Variants in KLHL18 observed in about 807,000 individuals in gnomAD.
KLHL18 encodes kelch-like protein 18.
KLHL18 carries 38 observed loss-of-function variants against 58.5 expected under a neutral mutation model. The ratio of observed to expected loss-of-function variants is 0.65; its 90% confidence interval spans 0.50 to 0.85. The LOEUF (loss-of-function observed/expected upper bound fraction) is 0.85. Among genes scored for constraint, KLHL18 ranks in the 40% least tolerant of loss-of-function variants. KLHL18 has a pLI of 0.00. For synonymous variants in KLHL18, 303 were observed against 301.9 expected (o/e 1.00, Z -0.04); for missense variants, 624 against 778.4 (o/e 0.80, Z 2.36).
At chr3:47,342,645 C>A in intron 8 of KLHL18, 74 bp from the exon 9 acceptor site, 4 of 1,219,218 alleles carry the variant, frequency 3.3e-6, no homozygotes, top group Non-Finnish European at 4.8e-6. Flanking sequence ...TCACCTAAAC[C>A]CTGCTAGGCT....
At chr3:47,299,194 C>A (rs2107591708) in intron 1 of KLHL18, among the ~76,000 whole-genome samples, 1 of 152,234 alleles carries the variant, frequency 6.6e-6, no homozygotes, top group South Asian at 2.1e-4. Flanking sequence ...TTGGCTAGGC[C>A]CAGTTGTTTG....
intron 1 of KLHL18, among the ~76,000 whole-genome samples, chr3:47,313,049 A>G (rs764980575): frequency 9.2e-5 from 14 of 151,410 alleles, no homozygotes; most frequent in Non-Finnish European, 1.5e-4. Flanking sequence ...AGCTGGGACT[A>G]CAGGCGCCTG....
chr3:47,343,576 A>G lies in KLHL18; in HGVS notation c.1360A>G (p.Thr454Ala). 1 of 1,613,686 alleles carries G rather than the reference A, an allele frequency of 6.2e-7. No homozygotes were observed. ...FSSVEHYNHH[T>A]ATWHPAAGML... is the part of the protein sequence containing the mutation. The stretch of plus-strand genomic sequence containing the variant: ...GCAGGTGGAACACTACAACCACCAC[A>G]CAGCCACCTGGCACCCTGCAGCTGG... Residue 454 changes from threonine to alanine, a missense_variant, in exon 10 of 10, where the codon ACA becomes GCA. Thr to Ala is a moderately conservative substitution (Grantham distance 58). Coordinates refer to ENST00000232766, the MANE Select transcript of KLHL18 (RefSeq NM_025010.5).
chr3:47,316,605 ATATGTGTG>A (rs1703441993), intron 1 of KLHL18, among the ~76,000 whole-genome samples: 2 of 143,442 alleles, frequency 1.4e-5, no homozygotes, highest in South Asian at 2.1e-4. Flanking sequence ...GTATATATGT[ATATGTGTG>A]TATATATACA....
At chr3:47,301,606 C>A (rs974158535) in intron 1 of KLHL18, among the ~76,000 whole-genome samples, 12 of 152,146 alleles carry the variant, frequency 7.9e-5, no homozygotes, top group African/African-American at 2.9e-4. Context: ...ACCAATATGA[C>A]ACAGTCTTAC....
chr3:47,301,796 TTTCTTC>T (rs373421325), intron 1 of KLHL18, among the ~76,000 whole-genome samples: 1 of 152,162 alleles, frequency 6.6e-6, no homozygotes, highest in African/African-American at 2.4e-5. Flanking sequence ...TTTTGTTTTG[TTTCTTC>T]TTCTTCTTTT....
chr3:47,321,444 G>C (rs1703586059), intron 2 of KLHL18, among the ~76,000 whole-genome samples: 1 of 151,894 alleles, frequency 6.6e-6, no homozygotes, highest in South Asian at 2.1e-4. Context: ...CCGCCTCTTG[G>C]ATTCAAGCGA....
chr3:47,315,161 C>T (rs1327058123), intron 1 of KLHL18, among the ~76,000 whole-genome samples: 1 of 152,140 alleles, frequency 6.6e-6, no homozygotes, highest in Middle Eastern at 3.2e-3. Context: ...GTGTGGAAGA[C>T]TTAGTGGGCC....
chr3:47,303,700 A>T (rs1576146841), intron 1 of KLHL18, among the ~76,000 whole-genome samples: 1 of 152,134 alleles, frequency 6.6e-6, no homozygotes, highest in East Asian at 1.9e-4. Context: ...GATTATAGGC[A>T]TTAGCCACTG....
At chr3:47,315,341 T>G (rs1316243436) in intron 1 of KLHL18, among the ~76,000 whole-genome samples, 3 of 152,140 alleles carry the variant, frequency 2.0e-5, no homozygotes, top group Non-Finnish European at 4.4e-5. Flanking sequence ...CCCCACTCTC[T>G]CAGGAGATAG....
intron 1 of KLHL18, among the ~76,000 whole-genome samples, chr3:47,310,037 T>C (rs1703261557): frequency 6.6e-6 from 1 of 152,116 alleles, no homozygotes; most frequent in African/African-American, 2.4e-5. Context: ...CTTATGTATA[T>C]TCATTGTGAG....
At chr3:47,315,705 GACATTTAAAGAAAACCTCTA>G (rs1176885867) in intron 1 of KLHL18, among the ~76,000 whole-genome samples, 3 of 152,066 alleles carry the variant, frequency 2.0e-5, no homozygotes, top group African/African-American at 7.2e-5. Context: ...AGTGTCACCA[GACATTTAAAGAAAACCTCTA>G]ACATAGAAGA....
At chr3:47,313,601 T>C (rs1269164270) in intron 1 of KLHL18, among the ~76,000 whole-genome samples, 3 of 152,240 alleles carry the variant, frequency 2.0e-5, no homozygotes, top group Non-Finnish European at 4.4e-5. Context: ...AAGTACAATA[T>C]TGCAACTAGA....
intron 1 of KLHL18, among the ~76,000 whole-genome samples, chr3:47,292,388 T>A (rs577511509): frequency 8.7e-5 from 13 of 150,204 alleles, no homozygotes; most frequent in African/African-American, 3.2e-4. Context: ...GCGGGAGAAT[T>A]GCTTGAACCC....
chr3:47,284,462 A>G (rs1702616563), intron 1 of KLHL18, among the ~76,000 whole-genome samples: 1 of 146,588 alleles, frequency 6.8e-6, no homozygotes, highest in South Asian at 2.1e-4. Flanking sequence ...CAGCCTCCCC[A>G]GCAGCTGGGA....
intron 1 of KLHL18, among the ~76,000 whole-genome samples, chr3:47,310,932 T>C (rs1479502986): frequency 6.6e-6 from 1 of 152,092 alleles, no homozygotes; most frequent in Non-Finnish European, 1.5e-5. Context: ...CTCCTGTCCC[T>C]CCAGTTCATA....
chr3:47,283,070 C>T lies in KLHL18; in HGVS notation c.105C>T (p.Gly35=). 1.3e-6 allele frequency: 2 copies of T among 1,588,760 alleles called. No homozygotes were observed. Among genetic ancestry groups the T allele is most frequent in the Non-Finnish European group, 1.7e-6 (2 of 1,168,078 alleles). Residue 35 remains glycine, a synonymous_variant, in exon 1 of 10, where the codon GGC becomes GGT. Coordinates refer to ENST00000232766, the MANE Select transcript of KLHL18 (RefSeq NM_025010.5). ...YGVMEEIRRQ[G]KLCDVTLKIG... is the part of the protein sequence containing the mutation. Reference sequence around the variant, plus strand: ...TCATGGAGGAGATCCGGCGGCAGGGCAAGCTGTGCGACGTGACCCTCAAGG... The same window carrying T: ...TCATGGAGGAGATCCGGCGGCAGGGTAAGCTGTGCGACGTGACCCTCAAGG...
chr3:47,309,217 A>G (rs1470740095), intron 1 of KLHL18, among the ~76,000 whole-genome samples: 1 of 152,008 alleles, frequency 6.6e-6, no homozygotes, highest in African/African-American at 2.4e-5. Context: ...TTTTCCCCAC[A>G]TTTCCCCCTT....
intron 4 of KLHL18, among the ~76,000 whole-genome samples, chr3:47,331,750 T>C (rs1162866553): frequency 6.6e-6 from 1 of 151,852 alleles, no homozygotes; most frequent in South Asian, 2.1e-4. Context: ...TTTTTTTTTT[T>C]TTTAAAGTGA....
Sources: allele counts gnomAD v4.1 joint callset (sites outside exome capture counted in the v4.1 genomes callset), GRCh38; gene constraint gnomAD v4.1.1; transcripts MANE v1.5; gene names NCBI Gene and HGNC (gene_info 2026-07-23, HGNC 2026-07-21).